The following ABCA7 variants were observed in gnomAD, a reference collection of about 807,000 sequenced individuals.
The protein encoded by ABCA7 is phospholipid-transporting ATPase ABCA7.
A neutral mutation model predicts 227.6 loss-of-function variants in ABCA7; 261 were observed. That is an observed-to-expected ratio of 1.15 (90% confidence interval 1.04 to 1.27). The LOEUF is 1.27. Ranked by LOEUF, ABCA7 falls within the 50% of genes most tolerant of loss-of-function variation. ABCA7 has a pLI of 0.00. For synonymous variants in ABCA7, 1,488 were observed against 1,279.7 expected, an observed-to-expected ratio of 1.16 and a Z score of -3.47; for missense variants, 3,331 against 2,924.5, an observed-to-expected ratio of 1.14 and a Z score of -3.21.
chr19:1,052,422 G>A (rs1459203053), intron 23 of ABCA7, 136 bp downstream of exon 23: 3 of 460,254 alleles, frequency 6.5e-6, no homozygotes, highest in African/African-American at 6.4e-5. Flanking sequence ...GGAGGAGGAG[G>A]GGGAGGAGGA....
rs537853262 is a variant in ABCA7 at position 1,058,268 on chromosome 19, G to A, written c.5148G>A (p.Leu1716=). The A allele has an allele frequency of 4.3e-6, 7 of 1,613,134 alleles. No homozygotes were observed. The African/African-American group carries it at 8.0e-5, about 18-fold the overall frequency. The part of the protein sequence containing the change: ...NQAMADAFER[L]GDRQFQSPLR... ...CCATGGCTGATGCCTTTGAGCGCTT[G>A]GGTGAGAACTTCCTGTCAGGTGGGG... The change falls in exon 37 of 47, where the codon TTG becomes TTA. Residue 1716 remains leucine, a splice_region_variant and synonymous_variant. Coordinates refer to ENST00000263094, the MANE Select transcript of ABCA7 (RefSeq NM_019112.4).
intron 29 of ABCA7, 65 bp from the exon 30 acceptor site, chr19:1,055,032 G>A: frequency 6.5e-7 from 1 of 1,541,914 alleles, no homozygotes. Context: ...CCAGAAGCTG[G>A]GTGCCCACAG....
Position 1,041,446 on chromosome 19 carries a change from A to G in ABCA7, c.66+19A>G. On this transcript the variant is annotated intron_variant, in intron 2 of 46. Transcript: ENST00000263094. ...ACAGCCGGTAACGCCCCAGTGTGAG[A>G]CCAGGGCCGGGTGGGCAGGCAGCCC... 6.2e-7 allele frequency: 1 copy of G among 1,613,808 alleles called. No individual in the cohort carries two copies. Among genetic ancestry groups the G allele is most frequent in the Non-Finnish European group, 8.5e-7 (1 of 1,179,986 alleles).
Position 1,056,081 on chromosome 19 carries a change from G to T in ABCA7, c.4254G>T (p.Ser1418=), listed in dbSNP as rs148214655. 3.8e-6 allele frequency: 6 copies of T among 1,594,636 alleles called. No individual in the cohort carries two copies. The African/African-American group carries it at 4.0e-5, about 11-fold the overall frequency. The part of the protein sequence containing the change: ...WVNEVRYGGF[S]LGGRDPGLPS... ...GGCCCCACAGATACGGAGGCTTCTC[G>T]CTGGGGGGCCGAGACCCAGGCCTGC... Residue 1418 remains serine (S), a synonymous_variant, in exon 32 of 47, where the codon TCG becomes TCT. Transcript: ENST00000263094. The surrounding 1 kb of genome is among the most constrained non-coding windows in gnomAD (Gnocchi z 4.3).
intron 20 of ABCA7, 62 bp downstream of exon 20, chr19:1,051,356 C>T: frequency 1.3e-6 from 2 of 1,586,794 alleles, no homozygotes; most frequent in Non-Finnish European, 1.7e-6. Context: ...ATCCTGAAGG[C>T]AGGGGGAAGC....
At chr19:1,045,450 T>A in intron 12 of ABCA7, 1 of 584,962 alleles carries the variant, frequency 1.7e-6, no homozygotes, top group East Asian at 2.9e-5. Context: ...GGGCCTGAGA[T>A]AAGATGAGAG....
At chr19:1,048,085 C>T (rs2040899001) in intron 16 of ABCA7, among the ~76,000 whole-genome samples, 1 of 151,654 alleles carries the variant, frequency 6.6e-6, no homozygotes. Context: ...GTAGTCCCAG[C>T]TACTCGGGAG....
intron 40 of ABCA7, among the ~76,000 whole-genome samples, chr19:1,060,451 T>C (rs891928614): frequency 6.6e-6 from 1 of 151,774 alleles, no homozygotes; most frequent in African/African-American, 2.4e-5. Context: ...CCTCAAATGA[T>C]CCACCCACCT....
At chr19:1,051,367 CGGGTACTG>C in intron 20 of ABCA7, 73 bp downstream of exon 20, 13 of 1,588,348 alleles carry the variant, frequency 8.2e-6, no homozygotes, top group South Asian at 1.1e-5. Flanking sequence ...AGGGGGAAGC[CGGGTACTG>C]AGGTCCACGT....
At chr19:1,045,382 C>T (rs2144714664) in intron 12 of ABCA7, 151 bp downstream of exon 12, 1 of 815,642 alleles carries the variant, frequency 1.2e-6, no homozygotes, top group East Asian at 2.7e-5. Flanking sequence ...CCCGGGGCTC[C>T]TTAGACCAAT....
chr19:1,057,515 G>C (rs1329275426), intron 35 of ABCA7, 86 bp downstream of exon 35: 1 of 1,295,108 alleles, frequency 7.7e-7, no homozygotes, highest in Admixed American at 1.7e-5. Flanking sequence ...ACTCTGCAGT[G>C]ACTCCCAAGG....
Position 1,054,780 on chromosome 19 carries a change from TGAGGACGCCCCAGGGGAC to T in ABCA7, c.3853_3870del (p.Glu1285_Asp1290del). The T allele has an allele frequency of 6.2e-7, 1 of 1,603,326 alleles. No homozygotes were observed. The highest frequency in any genetic ancestry group is 8.5e-7 in the Non-Finnish European group (1 of 1,175,520). ...ACCCTACATCTCCCCTCACACACAG[TGAGGACGCCCCAGGGGAC>T]CCTGGACGTGCCCGGCTGCTCGAGG... is the stretch of plus-strand genomic sequence containing the variant. On this transcript the variant is annotated inframe_deletion and splice_region_variant, in exon 29 of 47. Transcript: ENST00000263094. This position sits in a 1 kb window ranked among gnomAD's most constrained non-coding sequence, Gnocchi z 4.8.
At chr19:1,058,778 G>A (rs530808782) in intron 38 of ABCA7, 31 bp downstream of exon 38, 1 of 1,603,664 alleles carries the variant, frequency 6.2e-7, no homozygotes, top group South Asian at 1.1e-5. Flanking sequence ...GGGTGGCAGG[G>A]GCCAAGGACC....
At chr19:1,064,894 A>G in intron 45 of ABCA7, 37 bp from the exon 46 acceptor site, 2 of 1,542,600 alleles carry the variant, frequency 1.3e-6, no homozygotes, top group Non-Finnish European at 1.7e-6. Flanking sequence ...GACCTGGGAA[A>G]GGCCCGATCC....
intron 41 of ABCA7, 69 bp from the exon 42 acceptor site, chr19:1,062,103 C>A: frequency 6.3e-7 from 1 of 1,579,852 alleles, no homozygotes; most frequent in South Asian, 1.1e-5. Flanking sequence ...GCCCTGAGAC[C>A]CCTGTGTTAG....
Position 1,053,316 on chromosome 19 carries a change from T to A in ABCA7, c.3221-13T>A. On this transcript the variant is annotated splice_polypyrimidine_tract_variant and intron_variant, in intron 23 of 46. Transcript: ENST00000263094. ...GAGCCGGGGCTCCCTGAAGCACCCC[T>A]TTGTCCACACAGGCACTCCTCAGCT... The A allele has an allele frequency of 2.5e-6, 4 of 1,605,272 alleles. No homozygotes were observed. The highest frequency in any genetic ancestry group is 3.4e-6 in the Non-Finnish European group (4 of 1,176,638).
At chr19:1,042,020 A>G (rs1341429927) in intron 4 of ABCA7, 44 bp from the exon 5 acceptor site, 2 of 1,582,034 alleles carry the variant, frequency 1.3e-6, no homozygotes, top group Non-Finnish European at 1.7e-6. Flanking sequence ...TCGGGGCTGC[A>G]GTGCCGGCCG....
intron 10 of ABCA7, among the ~76,000 whole-genome samples, chr19:1,044,228 C>T (rs1442089832): frequency 7.0e-6 from 1 of 142,616 alleles, no homozygotes; most frequent in Non-Finnish European, 1.5e-5. Context: ...GCGTGAACTA[C>T]CACGTCCTGC....
intron 37 of ABCA7, 37 bp from the exon 38 acceptor site, chr19:1,058,581 C>T (rs997032732): frequency 6.2e-7 from 1 of 1,606,032 alleles, no homozygotes; most frequent in Non-Finnish European, 8.5e-7. Context: ...GAAACCAAGA[C>T]TCTCATGGAC....
Sources: gnomAD v4.1 joint callset for allele counts (sites outside exome capture counted in the v4.1 genomes callset) on GRCh38, gnomAD v4.1.1 for gene constraint, Gnocchi (gnomAD v3.1) non-coding constraint, MANE v1.5 for transcripts, NCBI Gene and HGNC (gene_info 2026-07-23, HGNC 2026-07-21) for gene names.